The following EIF3A variants were observed in gnomAD, a reference collection of about 807,000 sequenced individuals.
The protein encoded by EIF3A is eukaryotic translation initiation factor 3 subunit A.
A neutral mutation model predicts 186.6 loss-of-function variants in EIF3A; 21 were observed. That is an observed-to-expected ratio of 0.11 (90% CI 0.08 to 0.16). The LOEUF is 0.16. EIF3A is among the 10% of genes least tolerant of loss of function. The pLI is 1.00. For synonymous variants in EIF3A, 563 were observed against 584.3 expected, an observed-to-expected ratio of 0.96 and a Z score of 0.52; for missense variants, 1,306 against 1,796.3, an observed-to-expected ratio of 0.73 and a Z score of 4.93.
Position 119,056,731 on chromosome 10 carries a change from A to C in EIF3A, c.2196+9T>G. The stretch of plus-strand genomic sequence containing the variant: ...ATCTAAAAATATTACAATTAAATAA[A>C]AAACTTACTCTTTCTTCCTCTTGTT... On this transcript the variant is annotated intron_variant, in intron 14 of 21. Transcript: ENST00000369144. The C allele has an allele frequency of 6.5e-7, 1 of 1,529,918 alleles. No individual in the cohort carries two copies. Among genetic ancestry groups the C allele is most frequent in the Non-Finnish European group, 9.0e-7 (1 of 1,107,406 alleles). 94.8% of individuals were successfully genotyped at this position (1,529,918 alleles called of 1,614,324 possible).
In EIF3A at chr10:119,049,617, T is replaced by TATACA; in HGVS notation, c.2658+183_2658+184insTGTAT. Among the ~76,000 whole-genome samples, 3 of 152,050 alleles carry TATACA rather than the reference T, an allele frequency of 2.0e-5. No homozygotes were observed. The Middle Eastern group carries it at 0.01, about 517-fold the overall frequency. ...AATTACAAAAATCAGCCAGGCATGG[T>TATACA]GGTATGCACCTGTAATCTCAGCTAC... is the stretch of plus-strand genomic sequence containing the variant. On this transcript the variant is annotated intron_variant, in intron 17 of 21. Transcript: ENST00000369144.
At position 119,070,958 on chromosome 10, in the gene EIF3A, T is replaced by C. The variant is rs1222308432; in HGVS notation, c.669A>G (p.Pro223=). The C allele has an allele frequency of 3.7e-6, 6 of 1,613,882 alleles. No homozygotes were observed. The African/African-American group carries it at 8.0e-5, about 22-fold the overall frequency. The change falls in exon 5 of 22, where the codon CCA becomes CCG. Residue 223 remains proline, a synonymous_variant. Transcript: ENST00000369144. ...TTTCCAAATGCATGGACTGGCTCTC[T>C]GGATTATTAAGATTGATTGCCGTAC... ...NQSTAINLNN[P]ESQSMHLETR...
chr10:119,056,810 A>G lies in EIF3A; in HGVS notation c.2126T>C (p.Leu709Ser). The G allele has an allele frequency of 6.2e-7, 1 of 1,613,848 alleles. No homozygotes were observed. Among genetic ancestry groups the G allele is most frequent in the Non-Finnish European group, 8.5e-7 (1 of 1,179,872 alleles). ...ERAKRLEEIP[L>S]IKSAYEEQRI... The stretch of plus-strand genomic sequence containing the variant: ...CTGTTCCTCGTAAGCGCTCTTTATC[A>G]AAGGAATTTCTTCCAAACGTTTGGC... Residue 709 changes from leucine to serine, a missense_variant, in exon 14 of 22, where the codon TTG (leucine) becomes TCG (serine). Physicochemically the swap from Leu to Ser is moderately radical, Grantham distance 145 (BLOSUM62 -2). Coordinates refer to ENST00000369144, the MANE Select transcript of EIF3A (RefSeq NM_003750.4).
Position 119,060,269 on chromosome 10 carries a change from G to A in EIF3A, c.1326+477C>T, listed in dbSNP as rs537525912. The A allele has an allele frequency of 2.4e-3, 1,041 of 428,104 alleles. 10 individuals carry two copies. The highest frequency in any genetic ancestry group is 3.8e-3 in the Non-Finnish European group (851 of 224,056). The allele number at this position is 428,104 out of a possible 1,614,324, so 26.5% of individuals were successfully genotyped here. ...GAAAAGGCTGTCTCATTCACTCATG[G>A]TGGGGGGTCTATTAATCCAGGCTTC... On this transcript the variant is annotated intron_variant, in intron 9 of 21. Coordinates refer to ENST00000369144, the MANE Select transcript of EIF3A (RefSeq NM_003750.4).
chr10:119,056,672 C>T (rs1455241471), intron 14 of EIF3A, 68 bp downstream of exon 14: 1 of 1,028,826 alleles, frequency 9.7e-7, no homozygotes, highest in East Asian at 2.6e-5. Context: ...ATTCTGAATC[C>T]TTGGTTCCAT....
rs372255299 is a variant in EIF3A at position 119,050,542 on chromosome 10, C to T, written c.2452G>A (p.Ala818Thr). Reference sequence around the variant, plus strand: ...GTACCTTTTAGCATTTGTTCTTCTGCCCTTCTCTGCTCCTCCTCTTCTTTT... The same window carrying T: ...GTACCTTTTAGCATTTGTTCTTCTGTCCTTCTCTGCTCCTCCTCTTCTTTT... ...REKEEEEQRR[A>T]EEQMLKEREE... The change falls in exon 16 of 22, where the codon GCA (alanine) becomes ACA (threonine). Residue 818 changes from alanine (A) to threonine (T), a missense_variant. By Grantham distance (58) the Ala-to-Thr change is moderately conservative. This residue lies in a region of EIF3A where 410 missense variants were observed against 473.5 expected (regional missense o/e 0.87). Transcript: ENST00000369144. The T allele has an allele frequency of 3.7e-6, 6 of 1,613,888 alleles. 1 individual carries two copies. In the African/African-American group the frequency reaches 4.0e-5, roughly 11 times the overall value.
Position 119,059,685 on chromosome 10 carries a change from G to A in EIF3A, c.1360C>T (p.Arg454Cys), listed in dbSNP as rs747779644. ...ACAAAAGGAACCAAAGAAGTCAAAC[G>A]AGAAAACTCAATGCTCTGATAAATC... ...SQIYQSIEFSRLTSLVPFVDA... is the reference protein window; with the variant it reads ...SQIYQSIEFSCLTSLVPFVDA... The change falls in exon 10 of 22, where the codon CGT (arginine) becomes TGT (cysteine). Residue 454 changes from arginine to cysteine, a missense_variant. Around this residue, in one of 8 missense-constraint regions of EIF3A, gnomAD observed 267 missense variants for 367.8 expected, o/e 0.73. Coordinates refer to ENST00000369144, the MANE Select transcript of EIF3A (RefSeq NM_003750.4). 12 of 1,613,882 alleles carry A rather than the reference G, an allele frequency of 7.4e-6. No homozygotes were observed. Among genetic ancestry groups the A allele is most frequent in the Admixed American group, 5.0e-5 (3 of 59,988 alleles).
chr10:119,072,979 T>C lies in EIF3A; in HGVS notation c.452A>G (p.Lys151Arg). The C allele has an allele frequency of 6.2e-7, 1 of 1,614,166 alleles. No individual in the cohort carries two copies. The highest frequency in any genetic ancestry group is 8.5e-7 in the Non-Finnish European group (1 of 1,180,006). ...TDRLLLTPWV[K>R]FLWESYRQCL... ...CTGCCTGTAAGACTCCCACAGGAAT[T>C]TAACCCATGGAGTTAAAAGTAATCT... The change falls in exon 4 of 22, where the codon AAA (lysine) becomes AGA (arginine). Residue 151 changes from lysine (K) to arginine (R), a missense_variant. Physicochemically the swap from Lys to Arg is conservative, Grantham distance 26. Coordinates refer to ENST00000369144, the MANE Select transcript of EIF3A (RefSeq NM_003750.4).
intron 17 of EIF3A, among the ~76,000 whole-genome samples, chr10:119,046,168 T>C (rs1339451197): frequency 6.6e-6 from 1 of 152,066 alleles, no homozygotes; most frequent in African/African-American, 2.4e-5. Context: ...TTAACTTCCT[T>C]TACCGCAAGA....
rs1848224581 is a variant in EIF3A at position 119,042,569 on chromosome 10, T to C, written c.2951A>G (p.Asp984Gly). 1 of 1,614,014 alleles carries C rather than the reference T, an allele frequency of 6.2e-7. No individual in the cohort carries two copies. Residue 984 changes from aspartate (D) to glycine (G), a missense_variant, in exon 19 of 22, where the codon GAT becomes GGT. Asp to Gly is a moderately conservative substitution (Grantham distance 94, BLOSUM62 -1). This residue lies in a region of EIF3A where 410 missense variants were observed against 473.5 expected (regional missense o/e 0.87). Coordinates refer to ENST00000369144, the MANE Select transcript of EIF3A (RefSeq NM_003750.4). The surrounding 1 kb of genome is among the most constrained non-coding windows in gnomAD (Gnocchi z 7.8). ...EDRFSRRGAD[D>G]DRPSWRNTDD... ...TGTGTTACGCCAGGAAGGCCGGTCA[T>C]CGTCTGCCCCACGACGAGAGAACCT...
Position 119,034,769 on chromosome 10 carries a change from C to T in EIF3A, c.*1270G>A, listed in dbSNP as rs1403366128. The T allele has an allele frequency of 2.0e-5, 3 of 152,102 alleles. No homozygotes were observed. Among genetic ancestry groups the T allele is most frequent in the Non-Finnish European group, 4.4e-5 (3 of 68,012 alleles). The allele number at this position is 152,102 out of a possible 1,614,324, so 9.4% of individuals were successfully genotyped here. On this transcript the variant is annotated 3_prime_UTR_variant, in exon 22 of 22. Coordinates refer to ENST00000369144, the MANE Select transcript of EIF3A (RefSeq NM_003750.4). ...CGATTTTTCTAATTTCAGGTGAAAACCCAAGGTGGTACTTCAAACACGCAC... is the reference window on the plus strand; with the variant it reads ...CGATTTTTCTAATTTCAGGTGAAAATCCAAGGTGGTACTTCAAACACGCAC...
At position 119,073,851 on chromosome 10, in the gene EIF3A, T is replaced by A; in HGVS notation, c.136A>T (p.Ile46Leu). Residue 46 changes from isoleucine to leucine, a missense_variant, in exon 2 of 22, where the codon ATA becomes TTA. This residue lies in a region of EIF3A where 130 missense variants were observed against 259.3 expected (regional missense o/e 0.50). Transcript: ENST00000369144. ...TATTTCAACATAATTGGTTCGTGTA[T>A]CTTTTGCCATGTTCTATGTTTTTTA... is the stretch of plus-strand genomic sequence containing the variant. ...KSKKHRTWQK[I>L]HEPIMLKYLE... The A allele has an allele frequency of 6.2e-7, 1 of 1,613,772 alleles. No homozygotes were observed. The highest frequency in any genetic ancestry group is 1.3e-5 in the African/African-American group (1 of 75,048).
At chr10:119,037,078 C>T (rs763991110) in intron 21 of EIF3A, 41 bp downstream of exon 21, 8 of 366,110 alleles carry the variant, frequency 2.2e-5, no homozygotes, top group African/African-American at 4.7e-5. Flanking sequence ...CCCCCAGAAA[C>T]GACAGTTCTC....
At chr10:119,065,693 C>G (rs941750579) in intron 6 of EIF3A, 123 bp from the exon 7 acceptor site, 17 of 653,064 alleles carry the variant, frequency 2.6e-5, no homozygotes, top group Non-Finnish European at 4.6e-5. Flanking sequence ...CACCATGGTG[C>G]ACTATACTCA....
rs749478449 is a variant in EIF3A at position 119,071,009 on chromosome 10, C to T, written c.618G>A (p.Ser206=). Residue 206 remains serine (S), a synonymous_variant, in exon 5 of 22, where the codon TCG becomes TCA. Transcript: ENST00000369144. ...KLCDNLRMHL[S]QIQRHHNQST... is the part of the protein sequence containing the mutation. Reference sequence around the variant, plus strand: ...TTTGGTTATGGTGGCGCTGAATCTGCGATAAGTGCATTCTCAAATTGTCAC... The same window carrying T: ...TTTGGTTATGGTGGCGCTGAATCTGTGATAAGTGCATTCTCAAATTGTCAC... The T allele has an allele frequency of 1.2e-5, 20 of 1,613,860 alleles. No homozygotes were observed. Among genetic ancestry groups the T allele is most frequent in the African/African-American group, 2.7e-5 (2 of 74,908 alleles).
intron 21 of EIF3A, among the ~76,000 whole-genome samples, chr10:119,036,541 G>GT (rs1426121355): frequency 1.3e-5 from 2 of 152,078 alleles, no homozygotes. Context: ...GTATAAACCC[G>GT]TAAGACAAGG....
intron 17 of EIF3A, among the ~76,000 whole-genome samples, chr10:119,045,469 G>A (rs1411706335): frequency 5.9e-5 from 9 of 152,150 alleles, no homozygotes; most frequent in Admixed American, 5.9e-4. Flanking sequence ...GAATTTATGG[G>A]CAACACAATT....
intron 1 of EIF3A, among the ~76,000 whole-genome samples, chr10:119,078,960 A>T (rs1306309938): frequency 6.6e-6 from 1 of 152,196 alleles, no homozygotes; most frequent in Non-Finnish European, 1.5e-5. Flanking sequence ...AAAAAAAAAT[A>T]CCTGTTGGGC....
chr10:119,073,980 CAA>C, intron 1 of EIF3A, 43 bp from the exon 2 acceptor site: 1 of 1,471,040 alleles, frequency 6.8e-7, no homozygotes, highest in Non-Finnish European at 9.1e-7. Flanking sequence ...GTACACTATA[CAA>C]GAGTCTAAAC....
Sources: allele counts gnomAD v4.1 joint callset (sites outside exome capture counted in the v4.1 genomes callset), GRCh38; gene constraint gnomAD v4.1.1; regional missense constraint gnomAD v4.1.1; non-coding constraint Gnocchi (gnomAD v3.1); transcripts MANE v1.5; gene names NCBI Gene and HGNC (gene_info 2026-07-23, HGNC 2026-07-21).